TFDP2: variants seen among roughly 807,000 people sequenced by gnomAD.
TFDP2 encodes transcription factor Dp-2.
TFDP2 carries 17 observed loss-of-function variants against 59.3 expected under a neutral mutation model. The observed-to-expected ratio is 0.29, with a 90% confidence interval of 0.20 to 0.43. The LOEUF is 0.43. TFDP2 is among the 20% of genes least tolerant of loss of function. The probability of loss-of-function intolerance (pLI) is 1.00; values close to 1 mark genes in which losing one functional copy is unlikely to be tolerated. For missense variants in TFDP2, 391 were observed against 528.8 expected, an observed-to-expected ratio of 0.74 and a Z score of 2.56; for synonymous variants, 180 against 194.7, an observed-to-expected ratio of 0.92 and a Z score of 0.63.
At chr3:141,985,726 T>G (rs1489953237) in intron 6 of TFDP2, among the ~76,000 whole-genome samples, 1 of 151,904 alleles carries the variant, frequency 6.6e-6, no homozygotes, top group Non-Finnish European at 1.5e-5. Context: ...TTTAGATATA[T>G]GACACAAAAG....
At chr3:142,137,902 G>A (rs150015811) in intron 1 of TFDP2, among the ~76,000 whole-genome samples, 12,650 of 152,206 alleles carry the variant, frequency 0.083, 653 homozygotes, top group Middle Eastern at 0.14. Flanking sequence ...ATGAGTTAGG[G>A]AGGATTCCTT....
rs368449209 is a variant in TFDP2, at chr3:141,963,901, C to T, written c.795G>A (p.Pro265=). ...NRQNEQQNQG[P]PALNSTIQLP... Reference sequence around the variant, plus strand: ...GCTGAATGGTAGAGTTCAGAGCCGGCGGGCCCTGGTTTTGCTGCTCATTTT... The same window carrying T: ...GCTGAATGGTAGAGTTCAGAGCCGGTGGGCCCTGGTTTTGCTGCTCATTTT... The change falls in exon 10 of 13, where the codon CCG becomes CCA. Residue 265 remains proline (P), a synonymous_variant. Coordinates refer to ENST00000489671, the MANE Select transcript of TFDP2 (RefSeq NM_001178139.2). 61 of 1,613,344 alleles carry T rather than the reference C, an allele frequency of 3.8e-5. No homozygotes were observed. Among genetic ancestry groups the T allele is most frequent in the Middle Eastern group, 1.6e-4 (1 of 6,084 alleles).
intron 3 of TFDP2, among the ~76,000 whole-genome samples, chr3:142,063,949 G>C (rs2059996587): frequency 6.6e-6 from 1 of 151,920 alleles, no homozygotes; most frequent in East Asian, 1.9e-4. Context: ...TAGTTTTTTG[G>C]TTTTTAGTTT....
intron 8 of TFDP2, 84 bp downstream of exon 8, chr3:141,973,964 A>G: frequency 1.4e-6 from 2 of 1,440,068 alleles, no homozygotes; most frequent in East Asian, 2.5e-5. Context: ...GAAATATTTT[A>G]TATTAGAATT....
chr3:142,038,080 T>C (rs1205549191), intron 3 of TFDP2, among the ~76,000 whole-genome samples: 2 of 151,766 alleles, frequency 1.3e-5, no homozygotes, highest in East Asian at 1.9e-4. Flanking sequence ...CCTACAGAAG[T>C]AGATATAAAG....
At chr3:141,981,589 T>A (rs76749700) in intron 6 of TFDP2, among the ~76,000 whole-genome samples, 11,330 of 152,318 alleles carry the variant, frequency 0.074, 526 homozygotes, top group Non-Finnish European at 0.11. Flanking sequence ...GACAGCATAC[T>A]TATCTTACCT....
In TFDP2 at chr3:142,099,021, A is replaced by G. The variant is rs181918514; in HGVS notation, c.15+2714T>C. Among the ~76,000 whole-genome samples, 283 of 152,370 alleles carry G rather than the reference A, an allele frequency of 1.9e-3. 2 individuals carry two copies. The highest frequency in any genetic ancestry group is 2.2e-3 in the Non-Finnish European group (153 of 68,032). On this transcript the variant is annotated intron_variant, in intron 2 of 12. Transcript: ENST00000489671. ...ATGGATAAGACAAAAGTAACTCTTC[A>G]CAAAAAAACTGTTGTCATCAGAGAC...
rs1237551927 is a variant in TFDP2, at chr3:141,951,650, T to G, written c.*863A>C. The G allele has an allele frequency of 6.6e-6, 1 of 152,662 alleles. No individual in the cohort carries two copies. The highest frequency in any genetic ancestry group is 1.9e-4 in the East Asian group (1 of 5,204). 9.5% of individuals were successfully genotyped at this position (152,662 alleles called of 1,614,324 possible). A position where few individuals can be genotyped will look rare whatever the true frequency, so the allele number is the denominator to read the frequency against. ...AATTTGGTCATAGGAATTTGTTTCT[T>G]TGTCTTGTTTTAAATGAAAAAGCTA... On this transcript the variant is annotated 3_prime_UTR_variant, in exon 13 of 13. Transcript: ENST00000489671.
At chr3:142,128,746 A>C (rs2062374451) in intron 1 of TFDP2, among the ~76,000 whole-genome samples, 1 of 152,132 alleles carries the variant, frequency 6.6e-6, no homozygotes, top group Non-Finnish European at 1.5e-5. Context: ...GAGGAGAAAG[A>C]AGCAAAGGAA....
At position 141,950,801 on chromosome 3, in the gene TFDP2, G is replaced by T. The variant is rs1321201518; in HGVS notation, c.*1712C>A. On this transcript the variant is annotated 3_prime_UTR_variant, in exon 13 of 13. Coordinates refer to ENST00000489671, the MANE Select transcript of TFDP2 (RefSeq NM_001178139.2). Reference sequence around the variant, plus strand: ...CTGCTGTCACCTCCCCAGTGTTCCTGACTGGTCTGAGAGGTGTGCTCCAGA... The same window carrying T: ...CTGCTGTCACCTCCCCAGTGTTCCTTACTGGTCTGAGAGGTGTGCTCCAGA... 1 of 152,686 alleles carries T rather than the reference G, an allele frequency of 6.5e-6. No individual in the cohort carries two copies. Among genetic ancestry groups the T allele is most frequent in the South Asian group, 2.1e-4 (1 of 4,816 alleles). 9.5% of individuals were successfully genotyped at this position (152,686 alleles called of 1,614,324 possible).
chr3:142,008,569 G>A (rs541623228), intron 3 of TFDP2, among the ~76,000 whole-genome samples: 1 of 152,158 alleles, frequency 6.6e-6, no homozygotes, highest in African/African-American at 2.4e-5. Context: ...CTTCTGCTGA[G>A]AAGGCCCTTC....
At chr3:141,976,190 T>A (rs1465770917) in intron 7 of TFDP2, among the ~76,000 whole-genome samples, 1 of 152,220 alleles carries the variant, frequency 6.6e-6, no homozygotes, top group Admixed American at 6.6e-5. Context: ...ATAGTAGTAG[T>A]ATTATTCTTT....
chr3:141,981,099 A>C (rs547782452), intron 6 of TFDP2, among the ~76,000 whole-genome samples: 37 of 152,260 alleles, frequency 2.4e-4, no homozygotes, highest in Non-Finnish European at 4.7e-4. Context: ...TGCAAGCTCC[A>C]TTCATGAAAA....
intron 3 of TFDP2, among the ~76,000 whole-genome samples, chr3:142,077,455 A>G (rs570082216): frequency 6.6e-6 from 1 of 152,032 alleles, no homozygotes; most frequent in Non-Finnish European, 1.5e-5. Context: ...GAAGGAAGTT[A>G]AGAGGACTTT....
chr3:142,006,825 G>A (rs941103967), intron 3 of TFDP2, among the ~76,000 whole-genome samples: 1 of 151,646 alleles, frequency 6.6e-6, no homozygotes, highest in Non-Finnish European at 1.5e-5. Flanking sequence ...CACCCAGGCT[G>A]GAGTTCAGTG....
At chr3:142,129,037 A>G (rs1447173972) in intron 1 of TFDP2, among the ~76,000 whole-genome samples, 1 of 152,166 alleles carries the variant, frequency 6.6e-6, no homozygotes, top group Non-Finnish European at 1.5e-5. Flanking sequence ...GCTTTCAGCA[A>G]CCCTGGAGGA....
At chr3:141,975,740 C>G (rs529470096) in intron 7 of TFDP2, among the ~76,000 whole-genome samples, 1 of 150,000 alleles carries the variant, frequency 6.7e-6, no homozygotes, top group Non-Finnish European at 1.5e-5. Flanking sequence ...AACAATGATA[C>G]TGTAACAACA....
At chr3:142,080,315 A>G (rs1423979190) in intron 3 of TFDP2, among the ~76,000 whole-genome samples, 2 of 152,174 alleles carry the variant, frequency 1.3e-5, no homozygotes, top group Non-Finnish European at 2.9e-5. Context: ...CAAGCCTCAT[A>G]GTAACCTCAA....
chr3:142,104,245 C>G (rs73233880), intron 1 of TFDP2, among the ~76,000 whole-genome samples: 5 of 152,100 alleles, frequency 3.3e-5, no homozygotes, highest in Non-Finnish European at 7.4e-5. Flanking sequence ...TACGTCCTCT[C>G]TAGTGATATA....
Sources: gnomAD v4.1 joint callset for allele counts (sites outside exome capture counted in the v4.1 genomes callset) on GRCh38, gnomAD v4.1.1 for gene constraint, MANE v1.5 for transcripts, NCBI Gene and HGNC (gene_info 2026-07-23, HGNC 2026-07-21) for gene names.